The following ST3GAL1 variants were observed in gnomAD, a reference collection of about 807,000 sequenced individuals.
The protein encoded by ST3GAL1 is CMP-N-acetylneuraminate-beta-galactosamide-alpha-2,3-sialyltransferase 1.
In ST3GAL1, 16 loss-of-function variants were observed where a neutral mutation model predicts 34.1. The observed-to-expected ratio is 0.47, with a 90% CI of 0.32 to 0.71. ST3GAL1 has a LOEUF of 0.71. Among genes scored for constraint, ST3GAL1 ranks in the 30% least tolerant of loss-of-function variants. The pLI, the probability that ST3GAL1 is intolerant of heterozygous loss-of-function variation, is 0.04. For missense variants in ST3GAL1, 353 were observed against 447.4 expected (o/e 0.79, Z 1.90); for synonymous variants, 191 against 184.7 (o/e 1.03, Z -0.28).
intron 3 of ST3GAL1, among the ~76,000 whole-genome samples, chr8:133,481,161 G>A (rs1816367461): frequency 6.6e-6 from 1 of 152,198 alleles, no homozygotes; most frequent in African/African-American, 2.4e-5. Flanking sequence ...TGTTTGTATT[G>A]TGTATGACAA....
intron 2 of ST3GAL1, among the ~76,000 whole-genome samples, chr8:133,514,238 A>G (rs750008118): frequency 1.2e-4 from 18 of 152,214 alleles, no homozygotes; most frequent in Non-Finnish European, 4.4e-5. Flanking sequence ...TAAGATTAAC[A>G]CCAATGACCC....
At chr8:133,482,763 C>T (rs1816444289) in intron 3 of ST3GAL1, among the ~76,000 whole-genome samples, 1 of 152,236 alleles carries the variant, frequency 6.6e-6, no homozygotes, top group Admixed American at 6.5e-5. Flanking sequence ...ATCTTGGATA[C>T]TTAATGGCCC....
chr8:133,497,455 A>AT lies in ST3GAL1; in HGVS notation c.-374+1679_-374+1680insA, dbSNP rs1816988627. 8.1e-4 allele frequency among the ~76,000 whole-genome samples: 82 copies of AT among 101,222 alleles called. 5 individuals carry two copies. The highest frequency in any genetic ancestry group is 1.1e-3 in the Non-Finnish European group (55 of 52,138). 66.4% of individuals were successfully genotyped at this position (101,222 alleles called of 152,430 possible). ...CTTCTCTCCCATGCAATTTTGTTGG[A>AT]ATTTTTTTTTTTTTTTTTTTTTTTT... On this transcript the variant is annotated intron_variant, in intron 3 of 9. Coordinates refer to ENST00000522652, the MANE Select transcript of ST3GAL1 (RefSeq NM_173344.3).
In ST3GAL1 at chr8:133,545,602, C is replaced by T. The variant is rs75069912; in HGVS notation, c.-429+172G>A. Among the ~76,000 whole-genome samples the T allele has an allele frequency of 0.023, 3,495 of 152,298 alleles. 218 individuals carry two copies. The East Asian group carries it at 0.24, about 10-fold the overall frequency. On this transcript the variant is annotated intron_variant, in intron 2 of 9. Coordinates refer to ENST00000522652, the MANE Select transcript of ST3GAL1 (RefSeq NM_173344.3). ...TCCTGAGGGACACTGTATTCCCCTT[C>T]CATGGGAACTCCTCTTAATGGCACG...
rs140550785 is a variant in ST3GAL1, at chr8:133,461,431, A to G, written c.849+444T>C. On this transcript the variant is annotated intron_variant, in intron 9 of 9. Transcript: ENST00000522652. This position sits in a 1 kb window ranked among gnomAD's most constrained non-coding sequence, Gnocchi z 4.7. Reference sequence around the variant, plus strand: ...GAGATCACGGGTTCTCAACCTCGGTAGACAGTGGAACCCCTGGGTACCTGG... The same window carrying G: ...GAGATCACGGGTTCTCAACCTCGGTGGACAGTGGAACCCCTGGGTACCTGG... Among the ~76,000 whole-genome samples the G allele has an allele frequency of 3.9e-5, 6 of 152,320 alleles. No homozygotes were observed. In the East Asian group the frequency reaches 1.2e-3, roughly 29 times the overall value.
chr8:133,551,607 A>C (rs1423091710), intron 1 of ST3GAL1, among the ~76,000 whole-genome samples: 112 of 149,254 alleles, frequency 7.5e-4, no homozygotes, highest in African/African-American at 2.5e-3. Flanking sequence ...AGAAAGAAAG[A>C]AAGAAAGAAA....
intron 7 of ST3GAL1, 136 bp downstream of exon 7, chr8:133,464,642 G>T: frequency 1.1e-6 from 1 of 915,352 alleles, no homozygotes; most frequent in Non-Finnish European, 1.7e-6. Context: ...CACGGGAACT[G>T]GGCTTGTGTG....
At chr8:133,512,648 C>G (rs1229155) in intron 2 of ST3GAL1, among the ~76,000 whole-genome samples, 1 of 152,072 alleles carries the variant, frequency 6.6e-6, no homozygotes, top group Non-Finnish European at 1.5e-5. Context: ...AGTCTGAGTC[C>G]GCACAGGGTT....
chr8:133,562,850 CTTTTT>C (rs11374505), intron 1 of ST3GAL1, among the ~76,000 whole-genome samples: 100 of 106,350 alleles, frequency 9.4e-4, no homozygotes, highest in Middle Eastern at 0.01. Context: ...TCCTTTCTTT[CTTTTT>C]TTTTTTTTTT....
intron 2 of ST3GAL1, among the ~76,000 whole-genome samples, chr8:133,536,011 A>G (rs149939750): frequency 1.3e-5 from 2 of 152,234 alleles, no homozygotes; most frequent in African/African-American, 4.8e-5. Flanking sequence ...AACTCATTCA[A>G]TCCTGGAGTT....
intron 2 of ST3GAL1, chr8:133,515,365 C>T (rs1319726623): frequency 6.6e-6 from 1 of 152,174 alleles, no homozygotes; most frequent in Non-Finnish European, 1.5e-5. Flanking sequence ...AATGTGATCC[C>T]CAGTGTTGGA....
chr8:133,504,044 TC>T (rs1246630593), intron 2 of ST3GAL1, among the ~76,000 whole-genome samples: 6 of 152,098 alleles, frequency 3.9e-5, no homozygotes, highest in Admixed American at 2.6e-4. Context: ...GAGCAGAACT[TC>T]ACTGGGTTCC....
intron 2 of ST3GAL1, among the ~76,000 whole-genome samples, chr8:133,537,860 G>A (rs929118563): frequency 5.9e-5 from 9 of 152,140 alleles, no homozygotes; most frequent in Non-Finnish European, 8.8e-5. Context: ...TCCTGTTGCC[G>A]GCTGCCATGG....
Position 133,546,974 on chromosome 8 carries a change from C to A in ST3GAL1, c.-581-1048G>T, listed in dbSNP as rs868847955. 5.3e-5 allele frequency among the ~76,000 whole-genome samples: 8 copies of A among 151,300 alleles called. No homozygotes were observed. In the Middle Eastern group the frequency reaches 0.017, roughly 322 times the overall value. ...GAGCTGAGATCACACCACTGCCCTC[C>A]AGCCTGGGCGACAGCGAGACTCCAT... On this transcript the variant is annotated intron_variant, in intron 1 of 9. Coordinates refer to ENST00000522652, the MANE Select transcript of ST3GAL1 (RefSeq NM_173344.3).
chr8:133,543,955 T>C (rs956335960), intron 2 of ST3GAL1: 2 of 152,246 alleles, frequency 1.3e-5, no homozygotes, highest in African/African-American at 4.8e-5. Context: ...TTAAAATGCA[T>C]ACAGCACTCC....
At chr8:133,562,406 C>T (rs569187679) in intron 1 of ST3GAL1, among the ~76,000 whole-genome samples, 83 of 152,086 alleles carry the variant, frequency 5.5e-4, no homozygotes, top group African/African-American at 1.9e-3. Context: ...GATGGGGTTT[C>T]GCCATGTTGG....
intron 3 of ST3GAL1, among the ~76,000 whole-genome samples, chr8:133,490,733 T>G (rs1010716641): frequency 6.6e-6 from 1 of 152,140 alleles, no homozygotes; most frequent in Non-Finnish European, 1.5e-5. Flanking sequence ...GTGGAAGTCC[T>G]GAGGAACGTG....
rs990696958 is a variant in ST3GAL1, at chr8:133,556,205, T to C, written c.-581-10279A>G. Among the ~76,000 whole-genome samples, 1 of 152,106 alleles carries C rather than the reference T, an allele frequency of 6.6e-6. No homozygotes were observed. The highest frequency in any genetic ancestry group is 2.4e-5 in the African/African-American group (1 of 41,424). ...GCCACCATGCCCAGCTTGTTTTTTCTTTTTGAATCTCCACTCTCACCCAGG... is the reference window on the plus strand; with the variant it reads ...GCCACCATGCCCAGCTTGTTTTTTCCTTTTGAATCTCCACTCTCACCCAGG... On this transcript the variant is annotated intron_variant, in intron 1 of 9. Transcript: ENST00000522652. The surrounding 1 kb of genome is among the most constrained non-coding windows in gnomAD (Gnocchi z 8.9).
At chr8:133,516,814 T>A (rs1817661691) in intron 2 of ST3GAL1, among the ~76,000 whole-genome samples, 1 of 152,152 alleles carries the variant, frequency 6.6e-6, no homozygotes, top group African/African-American at 2.4e-5. Context: ...CAAAGAAGAA[T>A]CAACATCCCT....
Sources: gnomAD v4.1 joint callset for allele counts (sites outside exome capture counted in the v4.1 genomes callset) on GRCh38, gnomAD v4.1.1 for gene constraint, Gnocchi (gnomAD v3.1) non-coding constraint, MANE v1.5 for transcripts, NCBI Gene and HGNC (gene_info 2026-07-23, HGNC 2026-07-21) for gene names.